TMEM177: variants seen among roughly 807,000 people sequenced by gnomAD.
TMEM177 encodes the protein transmembrane protein 177.
In TMEM177, 4 loss-of-function variants were observed where a neutral mutation model predicts 14.2. That is an observed-to-expected ratio of 0.28 (90% CI 0.14 to 0.64). The LOEUF is 0.64. TMEM177 is among the 30% of genes least tolerant of loss of function. The pLI, the probability that TMEM177 is intolerant of heterozygous loss-of-function variation, is 0.82. For missense variants in TMEM177, 344 were observed against 405.2 expected, an observed-to-expected ratio of 0.85 and a Z score of 1.30; for synonymous variants, 179 against 174.5, an observed-to-expected ratio of 1.03 and a Z score of -0.20.
chr2:119,681,754 A>T lies in TMEM177; in HGVS notation c.901A>T (p.Met301Leu), dbSNP rs1369084196. The T allele has an allele frequency of 6.2e-7, 1 of 1,614,046 alleles. No homozygotes were observed. The highest frequency in any genetic ancestry group is 1.3e-5 in the African/African-American group (1 of 75,052). ...YTTRRDSVLQ[M>L]WRGMLNPGRS The stretch of plus-strand genomic sequence containing the variant: ...CACCCGCCGGGACTCTGTGCTGCAG[A>T]TGTGGAGGGGGATGCTCAATCCGGG... Residue 301 changes from methionine (M) to leucine (L), a missense_variant, in exon 2 of 2, where the codon ATG becomes TTG. Coordinates refer to ENST00000272521, the MANE Select transcript of TMEM177 (RefSeq NM_030577.3).
chr2:119,690,441 C>T (rs1018599171), downstream of TMEM177, among the ~76,000 whole-genome samples: 17 of 152,104 alleles, frequency 1.1e-4, no homozygotes, highest in African/African-American at 4.1e-4. Flanking sequence ...TATAACAATG[C>T]GAGAATGAAC....
At chr2:119,684,345 A>G (rs900259340), downstream of TMEM177, among the ~76,000 whole-genome samples, 1 of 152,120 alleles carries the variant, frequency 6.6e-6, no homozygotes, top group Non-Finnish European at 1.5e-5. Context: ...CTCCCAGGGA[A>G]GCCTCCCTGT....
At chr2:119,710,678 C>T in the TMEM177 span, among the ~76,000 whole-genome samples, 2 of 151,662 alleles carry the variant, frequency 1.3e-5, no homozygotes, top group Non-Finnish European at 2.9e-5. Context: ...GGCACGATCT[C>T]GGCTCACTGC....
chr2:119,680,839 G>C lies in TMEM177; in HGVS notation c.-15G>C, dbSNP rs371938084. On this transcript the variant is annotated 5_prime_UTR_variant, in exon 2 of 2. Transcript: ENST00000272521. The stretch of plus-strand genomic sequence containing the variant: ...CTCTTTTTCTTGGCCCAGATTGTCC[G>C]CAGTGACTACACTCATGGCAGGTCC... 1 of 1,603,976 alleles carries C rather than the reference G, an allele frequency of 6.2e-7. No homozygotes were observed. The highest frequency in any genetic ancestry group is 1.7e-5 in the Admixed American group (1 of 59,568).
chr2:119,717,977 G>A, the TMEM177 span, among the ~76,000 whole-genome samples: 1 of 145,894 alleles, frequency 6.9e-6, no homozygotes, highest in Non-Finnish European at 1.6e-5. Flanking sequence ...ACCTCTTCCC[G>A]GCTCCTGCTT....
chr2:119,694,422 C>A, the TMEM177 span, among the ~76,000 whole-genome samples: 3 of 152,226 alleles, frequency 2.0e-5, no homozygotes, highest in African/African-American at 7.2e-5. Context: ...ACTGCCCCCA[C>A]CAGATTCTCA....
chr2:119,712,538 G>A, the TMEM177 span, among the ~76,000 whole-genome samples: 138 of 152,228 alleles, frequency 9.1e-4, no homozygotes, highest in African/African-American at 3.2e-3. Flanking sequence ...CAGAGAAAAG[G>A]CCACATGAAG....
At chr2:119,694,281 CA>C in the TMEM177 span, among the ~76,000 whole-genome samples, 2 of 9,052 alleles carry the variant, frequency 2.2e-4, no homozygotes, top group South Asian at 6.0e-3. Context: ...TGTGGTATAC[CA>C]CACACACACA....
chr2:119,723,488 G>T, the TMEM177 span, among the ~76,000 whole-genome samples: 1 of 152,154 alleles, frequency 6.6e-6, no homozygotes, highest in South Asian at 2.1e-4. Context: ...GCCAAGTTCC[G>T]CCTTTTCAAT....
chr2:119,681,576 C>CTATGCCTGCACACAGG lies in TMEM177; in HGVS notation c.731_732insCACACAGGTATGCCTG (p.Gly245ThrfsTer12), dbSNP rs776498557. ...GCCGCACGGCCTCCCTCTCTGCAGC[C>CTATGCCTGCACACAGG]TATGCCTGTGGTGGAGTGGAGTTCT... On this transcript the variant is annotated frameshift_variant, in exon 2 of 2. Transcript: ENST00000272521. LOFTEE classifies it high-confidence loss of function. 1.1e-5 allele frequency: 17 copies of CTATGCCTGCACACAGG among 1,614,260 alleles called. No individual in the cohort carries two copies. The highest frequency in any genetic ancestry group is 1.4e-5 in the Non-Finnish European group (17 of 1,180,044).
At chr2:119,717,303 C>T in the TMEM177 span, among the ~76,000 whole-genome samples, 1 of 151,078 alleles carries the variant, frequency 6.6e-6, no homozygotes, top group Non-Finnish European at 1.5e-5. Context: ...GCCCTCCAGC[C>T]TGGGCAACAG....
chr2:119,690,270 C>G (rs1409804316), downstream of TMEM177, among the ~76,000 whole-genome samples: 1 of 152,274 alleles, frequency 6.6e-6, no homozygotes, highest in African/African-American at 2.4e-5. Flanking sequence ...CCTTCCTGCT[C>G]CAGTCGTGTA....
chr2:119,710,464 G>A, the TMEM177 span, among the ~76,000 whole-genome samples: 193 of 152,284 alleles, frequency 1.3e-3, no homozygotes, highest in African/African-American at 4.4e-3. Context: ...AGTTTCGTGG[G>A]GCAGCAGGTT....
chr2:119,690,313 T>C (rs1219694997), downstream of TMEM177, among the ~76,000 whole-genome samples: 1 of 152,022 alleles, frequency 6.6e-6, no homozygotes, highest in African/African-American at 2.4e-5. Context: ...CCTTCCGCCA[T>C]GTTTGTAAGT....
chr2:119,723,178 A>G, the TMEM177 span, among the ~76,000 whole-genome samples: 1 of 152,352 alleles, frequency 6.6e-6, no homozygotes, highest in African/African-American at 2.4e-5. Context: ...TGCTTTATAA[A>G]AAAGCCATCG....
chr2:119,720,420 A>G, the TMEM177 span, among the ~76,000 whole-genome samples: 3 of 151,996 alleles, frequency 2.0e-5, no homozygotes. Context: ...GATTACAGAC[A>G]TGTGCCACCA....
chr2:119,719,120 A>C, the TMEM177 span, among the ~76,000 whole-genome samples: 1 of 152,150 alleles, frequency 6.6e-6, no homozygotes, highest in Non-Finnish European at 1.5e-5. Flanking sequence ...AATGGTCAAC[A>C]CACCCAAGTA....
the TMEM177 span, among the ~76,000 whole-genome samples, chr2:119,694,072 A>G: frequency 5.8e-4 from 8 of 13,888 alleles, no homozygotes; most frequent in East Asian, 2.4e-3. Flanking sequence ...ACATACACAC[A>G]CAACATACAC....
the TMEM177 span, among the ~76,000 whole-genome samples, chr2:119,717,467 T>A: frequency 6.6e-6 from 1 of 152,144 alleles, no homozygotes; most frequent in East Asian, 1.9e-4. Flanking sequence ...CCCATAGTTA[T>A]GAGTGTAGAT....
Sources: allele counts gnomAD v4.1 joint callset (sites outside exome capture counted in the v4.1 genomes callset), GRCh38; gene constraint gnomAD v4.1.1; transcripts MANE v1.5; gene names NCBI Gene and HGNC (gene_info 2026-07-23, HGNC 2026-07-21).